TCF4: variants seen among roughly 807,000 people sequenced by gnomAD.
The protein encoded by TCF4 is transcription factor 4.
TCF4 carries 3 observed loss-of-function variants against 82.1 expected under a neutral mutation model. The observed-to-expected ratio is 0.04, with a 90% CI of 0.02 to 0.09. The LOEUF (loss-of-function observed/expected upper bound fraction) is 0.09. Among genes scored for constraint, TCF4 ranks in the 10% least tolerant of loss-of-function variants. TCF4 has a pLI of 1.00. For missense variants in TCF4, 518 were observed against 852.7 expected (o/e 0.61, Z 4.89); for synonymous variants, 276 against 309.6 (o/e 0.89, Z 1.14).
At chr18:55,334,695 G>A (rs907706074) in intron 8 of TCF4, among the ~76,000 whole-genome samples, 1 of 152,034 alleles carries the variant, frequency 6.6e-6, no homozygotes, top group Non-Finnish European at 1.5e-5. Context: ...TTATTACTGG[G>A]CCAACCTGGA....
intron 15 of TCF4, among the ~76,000 whole-genome samples, chr18:55,251,320 T>C: frequency 7.6e-6 from 1 of 130,934 alleles, no homozygotes; most frequent in Admixed American, 7.5e-5. Context: ...CATGCCGCTG[T>C]GAAAAAAAAA....
intron 3 of TCF4, among the ~76,000 whole-genome samples, chr18:55,477,713 T>C (rs1244471640): frequency 6.6e-6 from 1 of 152,206 alleles, no homozygotes; most frequent in Non-Finnish European, 1.5e-5. Context: ...TCCCTTACTT[T>C]CACTTTCAGG....
At chr18:55,328,567 G>C (rs947398029) in intron 8 of TCF4, among the ~76,000 whole-genome samples, 4 of 152,144 alleles carry the variant, frequency 2.6e-5, no homozygotes, top group Non-Finnish European at 5.9e-5. Flanking sequence ...GCTGGTTAGC[G>C]AGCTTACCAC....
chr18:55,429,971 T>C (rs1050254404), intron 5 of TCF4, among the ~76,000 whole-genome samples: 4 of 151,908 alleles, frequency 2.6e-5, no homozygotes, highest in African/African-American at 9.7e-5. Flanking sequence ...AGGACCTCTG[T>C]GATTGGAATT....
chr18:55,261,512 G>A lies in TCF4; in HGVS notation c.944C>T (p.Ala315Val), dbSNP rs147445499. The A allele has an allele frequency of 9.7e-4, 1,566 of 1,613,924 alleles. 1 individual carries two copies. Among genetic ancestry groups the A allele is most frequent in the Non-Finnish European group, 1.2e-3 (1,468 of 1,179,862 alleles). Residue 315 changes from alanine to valine, a missense_variant, in exon 12 of 20, where the codon GCC (alanine) becomes GTC (valine). Ala to Val is a moderately conservative substitution (Grantham distance 64). Around this residue, in one of 7 missense-constraint regions of TCF4, gnomAD observed 211 missense variants for 327.4 expected, o/e 0.64. Coordinates refer to ENST00000354452, the MANE Select transcript of TCF4 (RefSeq NM_001083962.2). ...AGCATCTCCAGTCTGGGAGCTGCCG[G>A]CTGCCCCGCTTCCTCTATTTGCTGC... ...SIMANRGSGA[A>V]GSSQTGDALG...
At chr18:55,506,038 C>G (rs925372744) in intron 3 of TCF4, among the ~76,000 whole-genome samples, 1 of 152,174 alleles carries the variant, frequency 6.6e-6, no homozygotes, top group Non-Finnish European at 1.5e-5. Context: ...ACAGAGACAC[C>G]TCTTTGAGAA....
Position 55,226,416 on chromosome 18 carries a change from T to C in TCF4, c.*1619A>G, listed in dbSNP as rs1347660475. 1 of 152,552 alleles carries C rather than the reference T, an allele frequency of 6.6e-6. No individual in the cohort carries two copies. Among genetic ancestry groups the C allele is most frequent in the Non-Finnish European group, 1.5e-5 (1 of 68,020 alleles). The allele number at this position is 152,552 out of a possible 1,614,324, so 9.4% of individuals were successfully genotyped here. On this transcript the variant is annotated 3_prime_UTR_variant, in exon 20 of 20. Coordinates refer to ENST00000354452, the MANE Select transcript of TCF4 (RefSeq NM_001083962.2). ...ACACCAAAGTCAATCATTATAAAGA[T>C]TCACGATGGAAGTTGGTTCAATTGT... is the stretch of plus-strand genomic sequence containing the variant.
chr18:55,268,564 G>T (rs887518294), intron 11 of TCF4: 4 of 152,106 alleles, frequency 2.6e-5, no homozygotes, highest in Non-Finnish European at 1.5e-5. Flanking sequence ...TCTTAGACAG[G>T]ATAGCGGAGT....
chr18:55,396,426 T>C (rs770928890), intron 6 of TCF4, among the ~76,000 whole-genome samples: 6 of 152,224 alleles, frequency 3.9e-5, no homozygotes, highest in Non-Finnish European at 8.8e-5. Flanking sequence ...TGACATTCAC[T>C]ATCAACCATG....
chr18:55,543,383 A>G (rs2097180296), intron 3 of TCF4, among the ~76,000 whole-genome samples: 2 of 152,130 alleles, frequency 1.3e-5, no homozygotes, highest in African/African-American at 4.8e-5. Flanking sequence ...CAAGTGCTCA[A>G]CAAAGATAAG....
At chr18:55,439,200 G>A (rs934997566) in intron 5 of TCF4, among the ~76,000 whole-genome samples, 7 of 152,276 alleles carry the variant, frequency 4.6e-5, no homozygotes, top group Middle Eastern at 3.4e-3. Context: ...ATTCCTTCGT[G>A]GCCACTGGTG....
intron 15 of TCF4, among the ~76,000 whole-genome samples, chr18:55,246,686 C>A (rs1329093273): frequency 4.0e-5 from 6 of 151,684 alleles, no homozygotes; most frequent in Non-Finnish European, 8.8e-5. Flanking sequence ...AAAAGAATTT[C>A]TTCAAGTTCT....
At chr18:55,299,307 G>A (rs2067398223) in intron 8 of TCF4, among the ~76,000 whole-genome samples, 1 of 152,122 alleles carries the variant, frequency 6.6e-6, no homozygotes, top group Non-Finnish European at 1.5e-5. Flanking sequence ...AGCTACTTGG[G>A]AGGCTGAGAC....
At chr18:55,571,512 T>C (rs747442623) in intron 3 of TCF4, among the ~76,000 whole-genome samples, 37 of 152,208 alleles carry the variant, frequency 2.4e-4, no homozygotes, top group Admixed American at 2.0e-4. Context: ...GGTGGGTTCA[T>C]AGATGTTCAC....
intron 5 of TCF4, among the ~76,000 whole-genome samples, chr18:55,442,429 C>T (rs1283025362): frequency 6.6e-6 from 1 of 152,106 alleles, no homozygotes; most frequent in Non-Finnish European, 1.5e-5. Context: ...TTTAAAGACC[C>T]CAATTTGTCC....
chr18:55,612,643 G>A (rs2097708167), intron 2 of TCF4, among the ~76,000 whole-genome samples: 2 of 152,064 alleles, frequency 1.3e-5, no homozygotes, highest in East Asian at 1.9e-4. Context: ...ACATTTAGGA[G>A]GTACAGGTGC....
At chr18:55,523,094 G>A (rs1165103883) in intron 3 of TCF4, among the ~76,000 whole-genome samples, 1 of 151,948 alleles carries the variant, frequency 6.6e-6, no homozygotes. Flanking sequence ...AAATTTAAAT[G>A]AGAGTTCAAG....
At chr18:55,360,761 C>G (rs2084932547) in intron 6 of TCF4, among the ~76,000 whole-genome samples, 1 of 113,534 alleles carries the variant, frequency 8.8e-6, no homozygotes, top group African/African-American at 3.4e-5. Flanking sequence ...AGAAGTCTCA[C>G]TCTGCCACCA....
intron 6 of TCF4, among the ~76,000 whole-genome samples, chr18:55,392,332 C>A (rs1301337448): frequency 1.3e-5 from 2 of 151,802 alleles, no homozygotes; most frequent in South Asian, 2.1e-4. Flanking sequence ...AATACTGCTA[C>A]TACAAGCCAG....
Sources: gnomAD v4.1 joint callset for allele counts (sites outside exome capture counted in the v4.1 genomes callset) on GRCh38, gnomAD v4.1.1 for gene constraint, gnomAD v4.1.1 regional missense constraint, MANE v1.5 for transcripts, NCBI Gene and HGNC (gene_info 2026-07-23, HGNC 2026-07-21) for gene names.